ROBO1: variants seen among roughly 807,000 people sequenced by gnomAD.
The protein encoded by ROBO1 is roundabout guidance receptor 1, also known as roundabout homolog 1.
Under a neutral mutation model 195.9 loss-of-function variants are expected in ROBO1, and 149 were observed. That is an observed-to-expected ratio of 0.76 (90% confidence interval 0.67 to 0.87). ROBO1 has a LOEUF of 0.87. Among genes scored for constraint, ROBO1 ranks in the 40% least tolerant of loss-of-function variants. The pLI, the probability that ROBO1 is intolerant of heterozygous loss-of-function variation, is 0.00. For synonymous variants in ROBO1, 816 were observed against 733.2 expected (o/e 1.11, Z -1.82); for missense variants, 1,933 against 2,068.3 (o/e 0.93, Z 1.27).
At chr3:79,044,549 T>C (rs1429747185) in intron 3 of ROBO1, among the ~76,000 whole-genome samples, 1 of 152,118 alleles carries the variant, frequency 6.6e-6, no homozygotes, top group Admixed American at 6.6e-5. Context: ...CAACCAATAA[T>C]GTGATAATAA....
rs937618191 is a variant in ROBO1, at chr3:78,848,148, T to C, written c.499+90453A>G. On this transcript the variant is annotated intron_variant, in intron 4 of 30. Coordinates refer to ENST00000464233, the MANE Select transcript of ROBO1 (RefSeq NM_002941.4). ...TAGTTTCTCAACAACCAAGGAAATA[T>C]GTTAGTTCAAACTGGCCTATTAGCT... 2.0e-5 allele frequency among the ~76,000 whole-genome samples: 3 copies of C among 152,158 alleles called. 1 individual carries two copies. Among genetic ancestry groups the C allele is most frequent in the South Asian group, 4.1e-4 (2 of 4,830 alleles).
At chr3:79,451,824 T>C (rs1204306159) in intron 2 of ROBO1, among the ~76,000 whole-genome samples, 1 of 151,914 alleles carries the variant, frequency 6.6e-6, no homozygotes, top group African/African-American at 2.4e-5. Context: ...ATAAGTAAAT[T>C]AAGAGAGAGG....
chr3:78,896,203 A>G (rs1193748277), intron 4 of ROBO1, among the ~76,000 whole-genome samples: 1 of 152,200 alleles, frequency 6.6e-6, no homozygotes, highest in East Asian at 1.9e-4. Context: ...TTAAAATAAG[A>G]GAATACACTC....
At chr3:79,012,825 G>A (rs773738718) in intron 3 of ROBO1, among the ~76,000 whole-genome samples, 9 of 152,128 alleles carry the variant, frequency 5.9e-5, no homozygotes, top group Non-Finnish European at 8.8e-5. Flanking sequence ...GGAGATCAAA[G>A]CTATCTCCCT....
chr3:79,370,068 A>G (rs565408494), intron 2 of ROBO1, among the ~76,000 whole-genome samples: 1 of 152,300 alleles, frequency 6.6e-6, no homozygotes, highest in South Asian at 2.1e-4. Flanking sequence ...CTGATGTTTA[A>G]TAGTCTCTTT....
chr3:79,146,048 A>AAG (rs1269569967), intron 2 of ROBO1, among the ~76,000 whole-genome samples: 1 of 151,526 alleles, frequency 6.6e-6, no homozygotes, highest in African/African-American at 2.4e-5. Flanking sequence ...CAAAAAAAAA[A>AAG]AGTCTACTTA....
rs1005025414 is a variant in ROBO1 at position 78,791,429 on chromosome 3, C to T, written c.500-44529G>A. On this transcript the variant is annotated intron_variant, in intron 4 of 30. Transcript: ENST00000464233. Reference sequence around the variant, plus strand: ...CTCTCTCATAATTTAAGCTGTGATACTGACACTTCTGCCCTTGGGAAAGCC... The same window carrying T: ...CTCTCTCATAATTTAAGCTGTGATATTGACACTTCTGCCCTTGGGAAAGCC... 2.0e-5 allele frequency among the ~76,000 whole-genome samples: 3 copies of T among 152,288 alleles called. No individual in the cohort carries two copies. The South Asian group carries it at 6.2e-4, about 32-fold the overall frequency.
chr3:79,161,366 C>T (rs905535657), intron 2 of ROBO1, among the ~76,000 whole-genome samples: 1 of 151,974 alleles, frequency 6.6e-6, no homozygotes, highest in African/African-American at 2.4e-5. Flanking sequence ...AGTGACAATT[C>T]CCAATAACAT....
At chr3:79,217,720 T>C (rs1041323056) in intron 2 of ROBO1, among the ~76,000 whole-genome samples, 7 of 151,990 alleles carry the variant, frequency 4.6e-5, no homozygotes, top group African/African-American at 1.7e-4. Flanking sequence ...TTTTGATGGA[T>C]GAGGGAGGGT....
intron 2 of ROBO1, among the ~76,000 whole-genome samples, chr3:79,244,936 A>G (rs1280719339): frequency 1.3e-5 from 2 of 152,102 alleles, no homozygotes; most frequent in Non-Finnish European, 2.9e-5. Context: ...CAGCTCTAAC[A>G]GCCTGGTTAC....
At chr3:78,651,586 G>A (rs1221688378) in intron 19 of ROBO1, 146 bp downstream of exon 19, 23 of 546,994 alleles carry the variant, frequency 4.2e-5, no homozygotes, top group South Asian at 2.5e-4. Flanking sequence ...TGTGGATACC[G>A]CAGCACAATA....
At chr3:78,911,382 G>A (rs1009784316) in intron 4 of ROBO1, among the ~76,000 whole-genome samples, 2 of 152,040 alleles carry the variant, frequency 1.3e-5, no homozygotes, top group Non-Finnish European at 2.9e-5. Flanking sequence ...ATGAATTTGA[G>A]TGGTTAAGTT....
chr3:79,293,477 T>C (rs2032384337), intron 2 of ROBO1, among the ~76,000 whole-genome samples: 1 of 152,316 alleles, frequency 6.6e-6, no homozygotes, highest in African/African-American at 2.4e-5. Context: ...TTTAAGACTG[T>C]CGATTTTAGA....
chr3:79,304,797 T>C (rs2033143571), intron 2 of ROBO1, among the ~76,000 whole-genome samples: 1 of 152,252 alleles, frequency 6.6e-6, no homozygotes, highest in Admixed American at 6.5e-5. Flanking sequence ...TGTAACCATG[T>C]ACATTTGTAA....
intron 5 of ROBO1, among the ~76,000 whole-genome samples, chr3:78,732,483 C>T (rs1238675941): frequency 6.6e-6 from 1 of 152,088 alleles, no homozygotes; most frequent in Non-Finnish European, 1.5e-5. Flanking sequence ...AGGTAAATAT[C>T]CCACATACAT....
At chr3:78,721,337 A>T (rs2108109429) in intron 5 of ROBO1, among the ~76,000 whole-genome samples, 1 of 152,300 alleles carries the variant, frequency 6.6e-6, no homozygotes, top group African/African-American at 2.4e-5. Context: ...CTAAGGAAAC[A>T]AAATTATTAC....
Position 78,661,195 on chromosome 3 carries a change from C to T in ROBO1, c.2155G>A (p.Gly719Arg), listed in dbSNP as rs1287495325. ...ILYRPSGANH[G>R]ESDWLVFEVR... ...TCAAAAACTAACCAGTCTGATTCTC[C>T]GTGGTTGGCTCCAGATGGCCGATAG... is the stretch of plus-strand genomic sequence containing the variant. Residue 719 changes from glycine to arginine, a missense_variant, in exon 16 of 31, where the codon GGA (glycine) becomes AGA (arginine). Physicochemically the swap from Gly to Arg is moderately radical, Grantham distance 125. Transcript: ENST00000464233. 24 of 1,613,028 alleles carry T rather than the reference C, an allele frequency of 1.5e-5. No homozygotes were observed. In the Admixed American group the frequency reaches 1.7e-4, roughly 11 times the overall value.
intron 3 of ROBO1, among the ~76,000 whole-genome samples, chr3:78,992,677 T>C (rs1331853657): frequency 6.6e-6 from 1 of 152,140 alleles, no homozygotes; most frequent in East Asian, 1.9e-4. Context: ...AGAATACAAA[T>C]ACCCTTGGAG....
intron 1 of ROBO1, among the ~76,000 whole-genome samples, chr3:79,590,534 A>G (rs540231151): frequency 4.3e-4 from 66 of 151,948 alleles, no homozygotes; most frequent in South Asian, 3.7e-3. Flanking sequence ...GTAAAAAAAC[A>G]AAGCTTATAA....
Sources: gnomAD v4.1 joint callset for allele counts (sites outside exome capture counted in the v4.1 genomes callset) on GRCh38, gnomAD v4.1.1 for gene constraint, MANE v1.5 for transcripts, NCBI Gene and HGNC (gene_info 2026-07-23, HGNC 2026-07-21) for gene names.